Variants in NDEL1 observed in about 807,000 individuals in gnomAD.
NDEL1 encodes the protein nuclear distribution protein nudE-like 1.
NDEL1 carries 9 observed loss-of-function variants against 45.7 expected under a neutral mutation model. That is an observed-to-expected ratio of 0.20 (90% confidence interval 0.12 to 0.34). The LOEUF is 0.34. NDEL1 is among the 10% of genes least tolerant of loss of function. The pLI is 1.00. For synonymous variants in NDEL1, 133 were observed against 158.6 expected, an observed-to-expected ratio of 0.84 and a Z score of 1.21; for missense variants, 306 against 406.2, an observed-to-expected ratio of 0.75 and a Z score of 2.12.
At chr17:8,422,787 A>G (rs1185259060) in intron 1 of NDEL1, among the ~76,000 whole-genome samples, 3 of 150,336 alleles carry the variant, frequency 2.0e-5, no homozygotes, top group East Asian at 2.0e-4. Context: ...CCCAGGCTGG[A>G]GTGCAATGGT....
intron 6 of NDEL1, among the ~76,000 whole-genome samples, chr17:8,454,424 G>A (rs1384807796): frequency 6.6e-6 from 1 of 151,868 alleles, no homozygotes; most frequent in Non-Finnish European, 1.5e-5. Context: ...GGGCACCACC[G>A]CATAGATTGC....
rs748697749 is a variant in NDEL1, at chr17:8,444,287, A to G, written c.16A>G (p.Ile6Val). The G allele has an allele frequency of 1.2e-6, 2 of 1,611,940 alleles. No homozygotes were observed. The highest frequency in any genetic ancestry group is 1.7e-6 in the Non-Finnish European group (2 of 1,178,194). Residue 6 changes from isoleucine to valine, a missense_variant, in exon 2 of 9, where the codon ATA (isoleucine) becomes GTA (valine). By Grantham distance (29) the Ile-to-Val change is conservative. Coordinates refer to ENST00000334527, the MANE Select transcript of NDEL1 (RefSeq NM_030808.5). ...TTTCTTGATCATGGATGGTGAAGAT[A>G]TACCAGATTTTTCAAGTTTAAAGGA... Reference protein sequence around the residue: MDGEDIPDFSSLKEET... With the variant: MDGEDVPDFSSLKEET...
At chr17:8,466,636 GC>G in intron 8 of NDEL1, 1 of 363,176 alleles carries the variant, frequency 2.8e-6, no homozygotes, top group Non-Finnish European at 5.0e-6. Context: ...GTTCCCTATT[GC>G]CAGGCATTTA....
chr17:8,452,729 C>T (rs1253846579), intron 6 of NDEL1, among the ~76,000 whole-genome samples: 70 of 107,804 alleles, frequency 6.5e-4, no homozygotes, highest in East Asian at 8.3e-4. Context: ...CTTTTCTTTT[C>T]TTTTTCTTCT....
At chr17:8,428,917 C>CA (rs1908932416) in intron 1 of NDEL1, among the ~76,000 whole-genome samples, 1 of 151,260 alleles carries the variant, frequency 6.6e-6, no homozygotes, top group African/African-American at 2.4e-5. Flanking sequence ...TTGTGATCTG[C>CA]CTGCCTTGGC....
At chr17:8,469,057 G>A (rs1055205384), downstream of NDEL1, among the ~76,000 whole-genome samples, 3 of 152,152 alleles carry the variant, frequency 2.0e-5, no homozygotes, top group African/African-American at 7.2e-5. Context: ...AGGATCCATT[G>A]TCAAACATTT....
Position 8,454,502 on chromosome 17 carries a change from T to C in NDEL1, c.701-294T>C, listed in dbSNP as rs180758427. On this transcript the variant is annotated intron_variant, in intron 6 of 8. Transcript: ENST00000334527. Reference sequence around the variant, plus strand: ...TGTTAAGGTGAAAAAAATGGGCATATGTTCTGACCCAGCAGTTCTATTTTT... The same window carrying C: ...TGTTAAGGTGAAAAAAATGGGCATACGTTCTGACCCAGCAGTTCTATTTTT... Among the ~76,000 whole-genome samples, 348 of 152,328 alleles carry C rather than the reference T, an allele frequency of 2.3e-3. 2 individuals are homozygous for C. Among genetic ancestry groups the C allele is most frequent in the African/African-American group, 8.0e-3 (333 of 41,578 alleles).
intron 1 of NDEL1, among the ~76,000 whole-genome samples, chr17:8,420,782 A>G (rs1467266587): frequency 2.6e-5 from 4 of 152,236 alleles, no homozygotes; most frequent in Admixed American, 6.5e-5. Context: ...GATTATATGA[A>G]TCATCAATGT....
In NDEL1 at chr17:8,436,033, T is replaced by G. The variant is rs756076938; in HGVS notation, c.-25T>G. The G allele has an allele frequency of 2.2e-6, 1 of 445,928 alleles. No individual in the cohort carries two copies. Among genetic ancestry groups the G allele is most frequent in the African/African-American group, 2.1e-5 (1 of 47,644 alleles). The allele number at this position is 445,928 out of a possible 1,614,324, so 27.6% of individuals were successfully genotyped here. On this transcript the variant is annotated 5_prime_UTR_variant, in exon 1 of 9. The change abolishes the stop of an existing upstream ORF in the 5' untranslated region. Transcript: ENST00000334527. ...TTGAGCGGCGGCGAACATGCGCTTT[T>G]GACACATTGGAGGTGAGCCTGCAGC...
intron 7 of NDEL1, 116 bp from the exon 8 acceptor site, chr17:8,459,893 C>G: frequency 9.8e-7 from 1 of 1,023,796 alleles, no homozygotes; most frequent in East Asian, 2.4e-5. Flanking sequence ...AACTAACCAC[C>G]ATTATCAACT....
chr17:8,436,052 CT>C lies in NDEL1; in HGVS notation c.-13+8del, dbSNP rs1567725263. 2.3e-6 allele frequency: 1 copy of C among 435,642 alleles called. No homozygotes were observed. Among genetic ancestry groups the C allele is most frequent in the South Asian group, 1.6e-5 (1 of 62,616 alleles). 27.0% of individuals were successfully genotyped at this position (435,642 alleles called of 1,614,324 possible). A position where few individuals can be genotyped will look rare whatever the true frequency, so the allele number is the denominator to read the frequency against. The stretch of plus-strand genomic sequence containing the variant: ...CGCTTTTGACACATTGGAGGTGAGC[CT>C]GCAGCGCGGGGCCGCTCCCTAAGGG... On this transcript the variant is annotated splice_region_variant and intron_variant, in intron 1 of 8. Transcript: ENST00000334527.
chr17:8,468,738 T>C (rs750954769), downstream of NDEL1, among the ~76,000 whole-genome samples: 9 of 152,242 alleles, frequency 5.9e-5, no homozygotes, highest in Non-Finnish European at 1.2e-4. Context: ...CTGAAAACGA[T>C]GTGAATCAAA....
intron 1 of NDEL1, among the ~76,000 whole-genome samples, chr17:8,436,924 C>T (rs1385243476): frequency 6.6e-6 from 1 of 152,172 alleles, no homozygotes; most frequent in Non-Finnish European, 1.5e-5. Context: ...CATTTCTAGG[C>T]TCGGAGTTCT....
At chr17:8,470,430 CT>C (rs759275878), downstream of NDEL1, among the ~76,000 whole-genome samples, 10 of 152,146 alleles carry the variant, frequency 6.6e-5, no homozygotes, top group South Asian at 2.1e-4. This position sits in a 1 kb window ranked among gnomAD's most constrained non-coding sequence, Gnocchi z 4.2. Flanking sequence ...CAAATATTGT[CT>C]TACAAGAGAG....
rs546303677 is a variant in NDEL1, at chr17:8,451,338, T to C, written c.700+385T>C. Among the ~76,000 whole-genome samples the C allele has an allele frequency of 1.8e-4, 27 of 152,332 alleles. No individual in the cohort carries two copies. The South Asian group carries it at 5.6e-3, about 32-fold the overall frequency. ...TTAACATTTTGAGTTTTTTTTTCTA[T>C]TGTGTGCTTGTGTGTGTTTGTGCAC... On this transcript the variant is annotated intron_variant, in intron 6 of 8. Transcript: ENST00000334527.
At position 8,450,773 on chromosome 17, in the gene NDEL1, T is replaced by A; in HGVS notation, c.527-7T>A. Reference sequence around the variant, plus strand: ...GTATTCCTGCCCTTGTTTGCAATATTTTACAGATTTAAGGCAAGAACTAGC... The same window carrying A: ...GTATTCCTGCCCTTGTTTGCAATATATTACAGATTTAAGGCAAGAACTAGC... On this transcript the variant is annotated splice_region_variant and splice_polypyrimidine_tract_variant and intron_variant, in intron 5 of 8. Coordinates refer to ENST00000334527, the MANE Select transcript of NDEL1 (RefSeq NM_030808.5). 5.0e-6 allele frequency: 8 copies of A among 1,602,340 alleles called. No homozygotes were observed. The highest frequency in any genetic ancestry group is 6.8e-6 in the Non-Finnish European group (8 of 1,175,930).
At chr17:8,460,240 A>G in intron 8 of NDEL1, 80 bp downstream of exon 8, 1 of 1,460,590 alleles carries the variant, frequency 6.8e-7, no homozygotes, top group Non-Finnish European at 9.3e-7. Context: ...GAAGCCTTGA[A>G]AAGGTAAACT....
intron 1 of NDEL1, among the ~76,000 whole-genome samples, chr17:8,439,014 TCA>T (rs1909551069): frequency 6.7e-6 from 1 of 148,594 alleles, no homozygotes; most frequent in Non-Finnish European, 1.5e-5. Context: ...CGCTCTCGGC[TCA>T]CTGCAAGTTC....
chr17:8,439,959 C>G (rs1909624260), intron 1 of NDEL1, among the ~76,000 whole-genome samples: 1 of 152,188 alleles, frequency 6.6e-6, no homozygotes, highest in South Asian at 2.1e-4. Context: ...AGTAGCGAGT[C>G]TGAACTTCCA....
Sources: gnomAD v4.1 joint callset for allele counts (sites outside exome capture counted in the v4.1 genomes callset) on GRCh38, gnomAD v4.1.1 for gene constraint, Gnocchi (gnomAD v3.1) non-coding constraint, MANE v1.5 for transcripts, NCBI Gene and HGNC (gene_info 2026-07-23, HGNC 2026-07-21) for gene names.